ZNF710: variants seen among roughly 807,000 people sequenced by gnomAD.
ZNF710 encodes zinc finger protein 710.
ZNF710 carries 13 observed loss-of-function variants against 50.6 expected under a neutral mutation model. That is an observed-to-expected ratio of 0.26 (90% confidence interval 0.17 to 0.41). The LOEUF (loss-of-function observed/expected upper bound fraction) is 0.41. ZNF710 is among the 10% of genes least tolerant of loss of function. ZNF710 has a pLI of 1.00. For synonymous variants in ZNF710, 383 were observed against 397.0 expected (o/e 0.96, Z 0.42); for missense variants, 721 against 936.6 (o/e 0.77, Z 3.01).
chr15:90,050,135 G>A (rs1231626083), intron 1 of ZNF710, among the ~76,000 whole-genome samples: 1 of 152,252 alleles, frequency 6.6e-6, no homozygotes, highest in East Asian at 1.9e-4. Flanking sequence ...GATACATGAA[G>A]GCATTACGTG....
chr15:90,023,158 A>G (rs140758751), intron 1 of ZNF710, among the ~76,000 whole-genome samples: 1 of 152,292 alleles, frequency 6.6e-6, no homozygotes, highest in African/African-American at 2.4e-5. Context: ...AAGGAGTGGT[A>G]GTGGGATTTG....
At chr15:90,013,666 C>T (rs79233684) in intron 1 of ZNF710, among the ~76,000 whole-genome samples, 4,339 of 152,200 alleles carry the variant, frequency 0.029, 87 homozygotes, top group Non-Finnish European at 0.036. Flanking sequence ...CCACAGCTAA[C>T]ACTAAGATTA....
At chr15:90,021,476 G>A (rs1425363873) in intron 1 of ZNF710, among the ~76,000 whole-genome samples, 2 of 152,132 alleles carry the variant, frequency 1.3e-5, no homozygotes, top group African/African-American at 2.4e-5. Context: ...TGCGGACCGC[G>A]GTGCTATGAA....
rs1900721827 is a variant in ZNF710 at position 90,081,534 on chromosome 15, A to C, written c.*1705A>C. The C allele has an allele frequency of 6.6e-6, 1 of 152,232 alleles. No individual in the cohort carries two copies. Among genetic ancestry groups the C allele is most frequent in the Non-Finnish European group, 1.5e-5 (1 of 68,128 alleles). 9.4% of individuals were successfully genotyped at this position (152,232 alleles called of 1,614,324 possible). A position where few individuals can be genotyped will look rare whatever the true frequency, so the allele number is the denominator to read the frequency against. ...AGGCCTCAGGGTGACTGTGATCAGG[A>C]CTGAGGGGTGGACAAGGTGGCCCAA... On this transcript the variant is annotated 3_prime_UTR_variant, in exon 5 of 5. Transcript: ENST00000268154.
chr15:90,074,156 G>A lies in ZNF710; in HGVS notation c.1691G>A (p.Gly564Asp). 1 of 1,613,838 alleles carries A rather than the reference G, an allele frequency of 6.2e-7. No homozygotes were observed. The highest frequency in any genetic ancestry group is 8.5e-7 in the Non-Finnish European group (1 of 1,179,910). The change falls in exon 4 of 5, where the codon GGC (glycine) becomes GAC (aspartate). Residue 564 changes from glycine (G) to aspartate (D), a missense_variant. Physicochemically the swap from Gly to Asp is moderately conservative, Grantham distance 94. Around this residue, in one of 3 missense-constraint regions of ZNF710, gnomAD observed 326 missense variants for 522.0 expected, o/e 0.62. Coordinates refer to ENST00000268154, the MANE Select transcript of ZNF710 (RefSeq NM_198526.4). ...TTCAACCGCATGTACAACCTGCTGG[G>A]CCACATGCACCTGCACGCCGGCAGC... ...KSFNRMYNLL[G>D]HMHLHAGSKP...
At chr15:90,075,461 G>A (rs1269039947) in intron 4 of ZNF710, 1 of 152,236 alleles carries the variant, frequency 6.6e-6, no homozygotes, top group Non-Finnish European at 1.5e-5. Context: ...GTTCAAGGCT[G>A]TAGTGAACTG....
rs140186056 is a variant in ZNF710 at position 90,067,280 on chromosome 15, G to A, written c.143G>A (p.Gly48Glu). The change falls in exon 2 of 5, where the codon GGG becomes GAG. Residue 48 changes from glycine to glutamate, a missense_variant. This residue lies in a region of ZNF710 where 326 missense variants were observed against 347.1 expected (regional missense o/e 0.94). Transcript: ENST00000268154. This position sits in a 1 kb window ranked among gnomAD's most constrained non-coding sequence, Gnocchi z 8.1. ...ISAEAFYPDL[G>E]PELSGAAMGE... ...GCCGAGGCCTTCTACCCGGACCTGG[G>A]GCCCGAGCTTTCAGGGGCAGCCATG... is the stretch of plus-strand genomic sequence containing the variant. 89 of 1,612,404 alleles carry A rather than the reference G, an allele frequency of 5.5e-5. 2 individuals carry two copies. In the South Asian group the frequency reaches 8.1e-4, roughly 15 times the overall value.
intron 1 of ZNF710, among the ~76,000 whole-genome samples, chr15:90,036,448 G>A (rs934597099): frequency 6.6e-6 from 1 of 152,132 alleles, no homozygotes; most frequent in Non-Finnish European, 1.5e-5. Flanking sequence ...CCCACCGAGG[G>A]ACGTCCCTTC....
chr15:90,002,050 C>G (rs1898026879), intron 1 of ZNF710, among the ~76,000 whole-genome samples: 1 of 150,824 alleles, frequency 6.6e-6, no homozygotes, highest in Non-Finnish European at 1.5e-5. Context: ...GCGGGAGGCC[C>G]GGGAGGCGAC....
chr15:90,006,742 GACCAGC>G (rs1898150198), intron 1 of ZNF710: 1 of 154,780 alleles, frequency 6.5e-6, no homozygotes, highest in South Asian at 2.0e-4. Flanking sequence ...GTGGTCCATG[GACCAGC>G]ATCAGCGTTA....
chr15:90,014,889 A>ATT (rs553182166), intron 1 of ZNF710, among the ~76,000 whole-genome samples: 3,372 of 149,114 alleles, frequency 0.023, 60 homozygotes, highest in Non-Finnish European at 0.035. Context: ...CCATCAACTG[A>ATT]ATTTTTTTTT....
intron 1 of ZNF710, among the ~76,000 whole-genome samples, chr15:90,061,608 T>C (rs1383121741): frequency 2.0e-5 from 3 of 152,188 alleles, no homozygotes; most frequent in Non-Finnish European, 2.9e-5. Context: ...TCACCCACTC[T>C]CTGCCCTGAG....
intron 1 of ZNF710, among the ~76,000 whole-genome samples, chr15:90,008,346 A>ATATATATATGTATAGTACATATGTG (rs910235203): frequency 6.7e-6 from 1 of 148,406 alleles, no homozygotes; most frequent in African/African-American, 2.5e-5. Flanking sequence ...TACATGTAGT[A>ATATATATATGTATAGTACATATGTG]TATATATATG....
intron 1 of ZNF710, among the ~76,000 whole-genome samples, 154 bp downstream of exon 1, chr15:90,001,768 C>T (rs1242339209): frequency 6.9e-6 from 1 of 145,982 alleles, no homozygotes; most frequent in Non-Finnish European, 1.5e-5. Context: ...CGCGCGCAGG[C>T]CCGCGCCGCG....
intron 1 of ZNF710, among the ~76,000 whole-genome samples, chr15:90,037,116 C>T (rs1312283685): frequency 8.6e-5 from 13 of 150,388 alleles, no homozygotes; most frequent in Non-Finnish European, 1.0e-4. Flanking sequence ...GGCAGGGGCT[C>T]GGGGTGGGGG....
intron 1 of ZNF710, among the ~76,000 whole-genome samples, chr15:90,054,268 C>A (rs757501871): frequency 6.6e-6 from 1 of 151,828 alleles, no homozygotes; most frequent in Admixed American, 6.6e-5. Flanking sequence ...CCACGGAAAC[C>A]GAAGGAGGGG....
In ZNF710 at chr15:90,071,864, T is replaced by C. The variant is rs1269852548; in HGVS notation, c.1459-1207T>C. Reference sequence around the variant, plus strand: ...CTAATTATTGTATTTTTAGTAGAGATAGGGTTTCACCATGTTGGCCAGCCT... The same window carrying C: ...CTAATTATTGTATTTTTAGTAGAGACAGGGTTTCACCATGTTGGCCAGCCT... On this transcript the variant is annotated intron_variant, in intron 2 of 4. Transcript: ENST00000268154. 7.9e-5 allele frequency among the ~76,000 whole-genome samples: 12 copies of C among 152,062 alleles called. 1 individual carries two copies. The South Asian group carries it at 1.2e-3, about 16-fold the overall frequency.
At chr15:90,009,486 C>T (rs541208288) in intron 1 of ZNF710, among the ~76,000 whole-genome samples, 2 of 152,096 alleles carry the variant, frequency 1.3e-5, no homozygotes, top group Non-Finnish European at 1.5e-5. Flanking sequence ...TTCCTGTCCT[C>T]CCACTACACA....
Position 90,079,778 on chromosome 15 carries a change from T to C in ZNF710, c.1944T>C (p.Ser648=). 2 of 1,612,758 alleles carry C rather than the reference T, an allele frequency of 1.2e-6. No homozygotes were observed. The highest frequency in any genetic ancestry group is 2.2e-5 in the East Asian group (1 of 44,858). ...YASVDSSAEA[S]VLTEQAMKEM... ...GCGTGGACAGCAGCGCCGAGGCCAG[T>C]GTCCTCACTGAACAGGCCATGAAAG... Residue 648 remains serine, a synonymous_variant, in exon 5 of 5, where the codon AGT becomes AGC. Coordinates refer to ENST00000268154, the MANE Select transcript of ZNF710 (RefSeq NM_198526.4).
Sources: gnomAD v4.1 joint callset for allele counts (sites outside exome capture counted in the v4.1 genomes callset) on GRCh38, gnomAD v4.1.1 for gene constraint, gnomAD v4.1.1 regional missense constraint, Gnocchi (gnomAD v3.1) non-coding constraint, MANE v1.5 for transcripts, NCBI Gene and HGNC (gene_info 2026-07-23, HGNC 2026-07-21) for gene names.